CCDC40: variants seen among roughly 807,000 people sequenced by gnomAD.
CCDC40 encodes the protein coiled-coil domain 40 molecular ruler complex subunit, also known as coiled-coil domain-containing protein 40.
Under a neutral mutation model 124.5 loss-of-function variants are expected in CCDC40, and 104 were observed. That is an observed-to-expected ratio of 0.84 (90% CI 0.71 to 0.98). The LOEUF (loss-of-function observed/expected upper bound fraction) is 0.98, where lower values mean the gene tolerates loss of function less well. Ranked by LOEUF, CCDC40 falls within the 50% of genes least tolerant of loss-of-function variation. The probability of loss-of-function intolerance (pLI) is 0.00; values close to 1 mark genes in which losing one functional copy is unlikely to be tolerated. For synonymous variants in CCDC40, 580 were observed against 602.9 expected (o/e 0.96, Z 0.56); for missense variants, 1,463 against 1,503.9 (o/e 0.97, Z 0.45).
rs1402644827 is a variant in CCDC40, at chr17:80,100,035, A to G, written c.*260A>G. 1.7e-5 allele frequency: 9 copies of G among 514,650 alleles called. No individual in the cohort carries two copies. The East Asian group carries it at 2.8e-4, about 16-fold the overall frequency. The allele number at this position is 514,650 out of a possible 1,614,324, so 31.9% of individuals were successfully genotyped here. On this transcript the variant is annotated 3_prime_UTR_variant, in exon 20 of 20. Transcript: ENST00000397545. The stretch of plus-strand genomic sequence containing the variant: ...TGTGACTGCAGACCCACACACCCAC[A>G]CTCCCACACTGGGCTTACTCGTCCA...
intron 10 of CCDC40, among the ~76,000 whole-genome samples, chr17:80,076,452 T>C (rs2038312432): frequency 6.6e-6 from 1 of 151,864 alleles, no homozygotes; most frequent in Non-Finnish European, 1.5e-5. Flanking sequence ...TGTGCACTTG[T>C]AGTCCCAGGT....
In CCDC40 at chr17:80,099,921, C is replaced by G. The variant is rs1252499143; in HGVS notation, c.*146C>G. The G allele has an allele frequency of 1.2e-6, 1 of 859,610 alleles. No individual in the cohort carries two copies. The highest frequency in any genetic ancestry group is 1.8e-6 in the Non-Finnish European group (1 of 558,724). 53.2% of individuals were successfully genotyped at this position (859,610 alleles called of 1,614,324 possible). Reference sequence around the variant, plus strand: ...TTTAAGAGAAATAAGCCAGCCCCACCCATAGGAATCTTTTTAGCCACTCAG... The same window carrying G: ...TTTAAGAGAAATAAGCCAGCCCCACGCATAGGAATCTTTTTAGCCACTCAG... On this transcript the variant is annotated 3_prime_UTR_variant, in exon 20 of 20. Coordinates refer to ENST00000397545, the MANE Select transcript of CCDC40 (RefSeq NM_017950.4).
At chr17:80,047,557 A>C (rs1317316092) in intron 4 of CCDC40, 155 bp downstream of exon 4, 1 of 730,370 alleles carries the variant, frequency 1.4e-6, no homozygotes, top group African/African-American at 1.8e-5. Context: ...TATGGATAAC[A>C]TTTATTGGGC....
At chr17:80,073,944 C>G (rs1266865012) in intron 10 of CCDC40, among the ~76,000 whole-genome samples, 1 of 152,014 alleles carries the variant, frequency 6.6e-6, no homozygotes, top group East Asian at 1.9e-4. Flanking sequence ...CCTCGGCCTC[C>G]CAAAGTGCCG....
chr17:80,091,332 C>CAGAG (rs1436824477), intron 17 of CCDC40, among the ~76,000 whole-genome samples: 4 of 43,304 alleles, frequency 9.2e-5, no homozygotes, highest in African/African-American at 1.7e-4. Context: ...CACACACACA[C>CAGAG]ACACACACAC....
rs1242475807 is a variant in CCDC40 at position 80,051,645 on chromosome 17, A to G, written c.1159+1362A>G. On this transcript the variant is annotated intron_variant, in intron 7 of 19. Transcript: ENST00000397545. ...CTCCGTCTCAAAAAAAAAAAAAAAA[A>G]AAAAAAAAAGAAAAAAGAACCTCTC... Among the ~76,000 whole-genome samples, 41 of 150,882 alleles carry G rather than the reference A, an allele frequency of 2.7e-4. No individual in the cohort carries two copies. The South Asian group carries it at 6.4e-3, about 24-fold the overall frequency.
In CCDC40 at chr17:80,085,995, C is replaced by T. The variant is rs749595692; in HGVS notation, c.2236-8C>T. ...CTAATTTTGCTTTTTGATGAATATC[C>T]GGTCTAGGGGGAAGAAGTGGGGCCC... On this transcript the variant is annotated splice_polypyrimidine_tract_variant and splice_region_variant and intron_variant, in intron 13 of 19. Transcript: ENST00000397545. 13 of 1,613,178 alleles carry T rather than the reference C, an allele frequency of 8.1e-6. No individual in the cohort carries two copies. The highest frequency in any genetic ancestry group is 2.2e-5 in the South Asian group (2 of 91,058).
At position 80,040,282 on chromosome 17, in the gene CCDC40, T is replaced by C; in HGVS notation, c.552+12T>C. On this transcript the variant is annotated intron_variant, in intron 3 of 19. Coordinates refer to ENST00000397545, the MANE Select transcript of CCDC40 (RefSeq NM_017950.4). Reference sequence around the variant, plus strand: ...CAGTGGGCAGATTGGTGAGTAGCCCTGACTTCTGTTTTGTGCCAGTGTCGC... The same window carrying C: ...CAGTGGGCAGATTGGTGAGTAGCCCCGACTTCTGTTTTGTGCCAGTGTCGC... 1 of 1,611,576 alleles carries C rather than the reference T, an allele frequency of 6.2e-7. No homozygotes were observed.
intron 10 of CCDC40, among the ~76,000 whole-genome samples, chr17:80,073,546 G>A (rs2038242277): frequency 6.6e-6 from 1 of 152,200 alleles, no homozygotes; most frequent in African/African-American, 2.4e-5. Context: ...GACATGTCGT[G>A]TGTGTACTGA....
rs1277942930 is a variant in CCDC40, at chr17:80,087,612, AT to A, written c.2457del (p.Ile819MetfsTer15). The A allele has an allele frequency of 3.1e-6, 5 of 1,614,118 alleles. No homozygotes were observed. The highest frequency in any genetic ancestry group is 4.2e-6 in the Non-Finnish European group (5 of 1,179,974). ...GTCTCTGTTTTCTGCCATAGGCAAG[AT>A]TGAGCAGGAGAAGAAGGAGCAGAAG... Reference protein sequence around the residue: ...EQKKLRVESKIEQEKKEQKEI... With the variant: ...EQKKLRVESKXEQEKKEQKEI... On this transcript the variant is annotated frameshift_variant, in exon 15 of 20. Coordinates refer to ENST00000397545, the MANE Select transcript of CCDC40 (RefSeq NM_017950.4). LOFTEE classifies it high-confidence loss of function. This position sits in a 1 kb window ranked among gnomAD's most constrained non-coding sequence, Gnocchi z 4.5.
rs773964962 is a variant in CCDC40 at position 80,095,263 on chromosome 17, G to A, written c.2833G>A (p.Val945Ile). ...AMKGEIHRMK[V>I]RLGQLLKQQE... ...CCAGCCCCTCTGTCCTGTCTCCCAGGTCAGGCTCGGGCAGCTGCTGAAGCA... is the reference window on the plus strand; with the variant it reads ...CCAGCCCCTCTGTCCTGTCTCCCAGATCAGGCTCGGGCAGCTGCTGAAGCA... Residue 945 changes from valine (V) to isoleucine (I), a missense_variant and splice_region_variant, in exon 18 of 20, where the codon GTC becomes ATC. Val to Ile is a conservative substitution (Grantham distance 29). Coordinates refer to ENST00000397545, the MANE Select transcript of CCDC40 (RefSeq NM_017950.4). The A allele has an allele frequency of 3.7e-6, 6 of 1,613,816 alleles. No individual in the cohort carries two copies. Among genetic ancestry groups the A allele is most frequent in the East Asian group, 2.2e-5 (1 of 44,890 alleles).
At chr17:80,073,550 G>A (rs1278245380) in intron 10 of CCDC40, among the ~76,000 whole-genome samples, 1 of 152,186 alleles carries the variant, frequency 6.6e-6, no homozygotes, top group African/African-American at 2.4e-5. Context: ...TGTCGTGTGT[G>A]TACTGACTGC....
At position 80,050,058 on chromosome 17, in the gene CCDC40, G is replaced by A. The variant is rs765352634; in HGVS notation, c.940-6G>A. 6.2e-7 allele frequency: 1 copy of A among 1,613,946 alleles called. No homozygotes were observed. The highest frequency in any genetic ancestry group is 8.5e-7 in the Non-Finnish European group (1 of 1,179,958). Reference sequence around the variant, plus strand: ...CCTGGTGACCCTGTTTCTCTCTTTGGTCCAGGTTGTGGCTACCAAGCAGAG... The same window carrying A: ...CCTGGTGACCCTGTTTCTCTCTTTGATCCAGGTTGTGGCTACCAAGCAGAG... On this transcript the variant is annotated splice_polypyrimidine_tract_variant and splice_region_variant and intron_variant, in intron 6 of 19. Transcript: ENST00000397545.
chr17:80,040,354 T>C, intron 3 of CCDC40, 84 bp downstream of exon 3: 1 of 1,275,278 alleles, frequency 7.8e-7, no homozygotes. Context: ...TGGGAATACA[T>C]TATAAATACA....
intron 9 of CCDC40, 21 bp downstream of exon 9, chr17:80,059,001 T>A (rs1290864973): frequency 1.2e-6 from 2 of 1,614,142 alleles, no homozygotes; most frequent in Non-Finnish European, 8.5e-7. Context: ...TCCCCGCAGC[T>A]CTCAGTGTTC....
chr17:80,097,117 T>C lies in CCDC40; in HGVS notation c.3022-128T>C, dbSNP rs1683758014. The stretch of plus-strand genomic sequence containing the variant: ...AGGCCTCGCCTCTCCAGCCCTCCCA[T>C]TCCTCTTTGGGAGCCTCCCTGGATG... On this transcript the variant is annotated intron_variant, in intron 18 of 19. Coordinates refer to ENST00000397545, the MANE Select transcript of CCDC40 (RefSeq NM_017950.4). 12 of 1,033,290 alleles carry C rather than the reference T, an allele frequency of 1.2e-5. No individual in the cohort carries two copies. The South Asian group carries it at 1.4e-4, about 12-fold the overall frequency. The allele number at this position is 1,033,290 out of a possible 1,614,324, so 64.0% of individuals were successfully genotyped here.
At chr17:80,048,115 C>T (rs377536838) in intron 4 of CCDC40, among the ~76,000 whole-genome samples, 57 of 152,256 alleles carry the variant, frequency 3.7e-4, no homozygotes, top group East Asian at 2.7e-3. Context: ...CAAAAATTAC[C>T]GGGCGTGGTG....
chr17:80,063,074 A>C (rs956793343), intron 9 of CCDC40, among the ~76,000 whole-genome samples: 2 of 152,128 alleles, frequency 1.3e-5, no homozygotes, highest in Non-Finnish European at 2.9e-5. Context: ...GAGTGCCTAT[A>C]ATCGCAGCTG....
intron 10 of CCDC40, among the ~76,000 whole-genome samples, chr17:80,075,309 C>CT (rs1432313825): frequency 2.3e-5 from 3 of 133,246 alleles, no homozygotes; most frequent in African/African-American, 8.6e-5. Flanking sequence ...TGGAGCTTCT[C>CT]TTTTGTCGCC....
Sources: gnomAD v4.1 joint callset for allele counts (sites outside exome capture counted in the v4.1 genomes callset) on GRCh38, gnomAD v4.1.1 for gene constraint, Gnocchi (gnomAD v3.1) non-coding constraint, MANE v1.5 for transcripts, NCBI Gene and HGNC (gene_info 2026-07-23, HGNC 2026-07-21) for gene names.